Variants in ZBTB20 observed in about 807,000 individuals in gnomAD.
ZBTB20 encodes zinc finger and BTB domain containing 20, also known as zinc finger and BTB domain-containing protein 20.
ZBTB20 carries 9 observed loss-of-function variants against 56.9 expected under a neutral mutation model. That is an observed-to-expected ratio of 0.16 (90% confidence interval 0.10 to 0.28). The LOEUF (loss-of-function observed/expected upper bound fraction) is 0.28, where lower values mean the gene tolerates loss of function less well. ZBTB20 is among the 10% of genes least tolerant of loss of function. The pLI, the probability that ZBTB20 is intolerant of heterozygous loss-of-function variation, is 1.00. For synonymous variants in ZBTB20, 417 were observed against 420.7 expected (o/e 0.99, Z 0.11); for missense variants, 655 against 1,003.0 (o/e 0.65, Z 4.69).
At chr3:114,556,995 G>C (rs2051314546) in intron 6 of ZBTB20, among the ~76,000 whole-genome samples, 1 of 151,952 alleles carries the variant, frequency 6.6e-6, no homozygotes, top group Admixed American at 6.6e-5. Context: ...GCATACAAAG[G>C]GGCACTGTGT....
At chr3:114,570,530 G>T (rs923707957) in intron 6 of ZBTB20, among the ~76,000 whole-genome samples, 1 of 152,002 alleles carries the variant, frequency 6.6e-6, no homozygotes, top group African/African-American at 2.4e-5. Flanking sequence ...GAGAGCTGAA[G>T]TAACTTGTCA....
intron 6 of ZBTB20, among the ~76,000 whole-genome samples, chr3:114,618,858 T>C (rs970408801): frequency 6.6e-6 from 1 of 152,216 alleles, no homozygotes; most frequent in Non-Finnish European, 1.5e-5. Flanking sequence ...ACATTTGTTA[T>C]ACAATTTTGC....
At chr3:114,879,308 T>C (rs1422065495) in intron 4 of ZBTB20, among the ~76,000 whole-genome samples, 1 of 152,176 alleles carries the variant, frequency 6.6e-6, no homozygotes, top group Non-Finnish European at 1.5e-5. Flanking sequence ...GGGGACTGTA[T>C]GAGTGCTGGA....
intron 5 of ZBTB20, among the ~76,000 whole-genome samples, chr3:114,760,396 A>T (rs1251189581): frequency 6.6e-6 from 1 of 152,182 alleles, no homozygotes; most frequent in South Asian, 2.1e-4. Flanking sequence ...ATATACATAA[A>T]CATGTAGGAT....
At chr3:114,754,662 T>A (rs529105216) in intron 5 of ZBTB20, among the ~76,000 whole-genome samples, 1 of 152,314 alleles carries the variant, frequency 6.6e-6, no homozygotes, top group Middle Eastern at 3.4e-3. Flanking sequence ...CTTTTATTCA[T>A]CTTTTTATCT....
chr3:114,422,725 A>C (rs557968899), intron 7 of ZBTB20, among the ~76,000 whole-genome samples: 2 of 152,300 alleles, frequency 1.3e-5, no homozygotes, highest in East Asian at 3.9e-4. Flanking sequence ...ACCGCTGATT[A>C]TTTAGGTAAC....
intron 7 of ZBTB20, among the ~76,000 whole-genome samples, chr3:114,401,799 C>T (rs2086848115): frequency 6.6e-6 from 1 of 151,974 alleles, no homozygotes; most frequent in African/African-American, 2.4e-5. Context: ...TGAAAAATCA[C>T]AAAGGTAGGA....
intron 1 of ZBTB20, among the ~76,000 whole-genome samples, chr3:115,136,787 C>T (rs2084662934): frequency 6.6e-6 from 1 of 152,080 alleles, no homozygotes; most frequent in Non-Finnish European, 1.5e-5. Context: ...TCCCATACTG[C>T]TTTTCAGCTC....
At chr3:115,075,908 A>C (rs1576718559) in intron 1 of ZBTB20, among the ~76,000 whole-genome samples, 1 of 152,188 alleles carries the variant, frequency 6.6e-6, no homozygotes, top group Non-Finnish European at 1.5e-5. Flanking sequence ...AACTGTTAGA[A>C]TTAATAAATG....
intron 4 of ZBTB20, among the ~76,000 whole-genome samples, chr3:114,875,665 T>G (rs1321587323): frequency 6.6e-6 from 1 of 152,134 alleles, no homozygotes; most frequent in Admixed American, 6.6e-5. Flanking sequence ...CAATGAGGCA[T>G]GTGGAAAGAA....
rs542102909 is a variant in ZBTB20 at position 114,444,746 on chromosome 3, C to G, written c.-255+55606G>C. The stretch of plus-strand genomic sequence containing the variant: ...CAAATTTTTTTTGATAAAAATAAAA[C>G]CTTGTTTTAATGTAGATCCTTCTAT... On this transcript the variant is annotated intron_variant, in intron 7 of 11. Transcript: ENST00000675478. Among the ~76,000 whole-genome samples the G allele has an allele frequency of 5.3e-5, 8 of 152,134 alleles. 1 individual carries two copies. In the South Asian group the frequency reaches 1.7e-3, roughly 32 times the overall value.
At chr3:114,548,535 T>C (rs2050184433) in intron 6 of ZBTB20, among the ~76,000 whole-genome samples, 2 of 152,210 alleles carry the variant, frequency 1.3e-5, no homozygotes, top group South Asian at 4.2e-4. Flanking sequence ...TTTTTTCTTT[T>C]TGAGACAGAG....
At chr3:114,749,570 AGG>A (rs2067394612) in intron 5 of ZBTB20, among the ~76,000 whole-genome samples, 1 of 19,084 alleles carries the variant, frequency 5.2e-5, no homozygotes, top group Non-Finnish European at 3.9e-4. Context: ...AAGAAAGAAA[AGG>A]AAGGAAGGAA....
chr3:114,784,961 T>C (rs1419497203), intron 5 of ZBTB20, among the ~76,000 whole-genome samples: 1 of 152,126 alleles, frequency 6.6e-6, no homozygotes, highest in Non-Finnish European at 1.5e-5. Flanking sequence ...CTAACAACAA[T>C]ACTATATTAT....
chr3:115,127,501 CAA>C, intron 1 of ZBTB20, among the ~76,000 whole-genome samples: 1 of 151,952 alleles, frequency 6.6e-6, no homozygotes, highest in East Asian at 1.9e-4. Context: ...GGCTGAGGCA[CAA>C]AAATCACTTG....
At chr3:114,658,674 G>C (rs1274355471) in intron 6 of ZBTB20, 1 of 152,120 alleles carries the variant, frequency 6.6e-6, no homozygotes, top group Non-Finnish European at 1.5e-5. Flanking sequence ...CCATAAAATG[G>C]AGAATAACAA....
intron 2 of ZBTB20, among the ~76,000 whole-genome samples, chr3:115,003,207 A>T (rs2079322585): frequency 6.6e-6 from 1 of 151,632 alleles, no homozygotes; most frequent in South Asian, 2.1e-4. Context: ...AATTTGTATG[A>T]TATTATGATG....
chr3:114,814,973 T>C (rs1015185698), intron 4 of ZBTB20, among the ~76,000 whole-genome samples: 1 of 152,210 alleles, frequency 6.6e-6, no homozygotes, highest in Non-Finnish European at 1.5e-5. Flanking sequence ...AACATGTTTC[T>C]ATAGTACTTC....
intron 2 of ZBTB20, among the ~76,000 whole-genome samples, chr3:115,030,963 T>A (rs1046008285): frequency 6.6e-6 from 1 of 151,428 alleles, no homozygotes. Context: ...TAATAAAAAT[T>A]CAATATGCAC....
Sources: allele counts gnomAD v4.1 joint callset (sites outside exome capture counted in the v4.1 genomes callset), GRCh38; gene constraint gnomAD v4.1.1; transcripts MANE v1.5; gene names NCBI Gene and HGNC (gene_info 2026-07-23, HGNC 2026-07-21).